UGT1A4: variants seen among roughly 807,000 people sequenced by gnomAD.
UGT1A4 encodes UDP-glucuronosyltransferase 1A4.
A neutral mutation model predicts 41.1 loss-of-function variants in UGT1A4; 32 were observed. The observed-to-expected ratio is 0.78, with a 90% confidence interval of 0.59 to 1.05. The LOEUF is 1.05. Among genes scored for constraint, UGT1A4 ranks in the 50% least tolerant of loss-of-function variants. UGT1A4 has a pLI of 0.00. For missense variants in UGT1A4, 748 were observed against 677.4 expected (o/e 1.10, Z -1.16); for synonymous variants, 283 against 265.1 (o/e 1.07, Z -0.66).
chr2:233,755,220 T>A, intron 1 of UGT1A4: 1 of 1,009,650 alleles, frequency 9.9e-7, no homozygotes, highest in South Asian at 1.3e-5. Context: ...CTTGATACCC[T>A]CGGACGAGGC....
rs555999540 is a variant in UGT1A4 at position 233,720,422 on chromosome 2, G to T, written c.867+735G>T. 1.8e-4 allele frequency among the ~76,000 whole-genome samples: 28 copies of T among 152,172 alleles called. 1 individual carries two copies. The Middle Eastern group carries it at 0.027, about 148-fold the overall frequency. On this transcript the variant is annotated intron_variant, in intron 1 of 4. Coordinates refer to ENST00000373409, the MANE Select transcript of UGT1A4 (RefSeq NM_007120.3). ...AGTGGGTGGAAGGGACTAGGGAGGA[G>T]ATAAGACCGTGAATCTATAAGCCCA...
chr2:233,734,900 C>G (rs1027588472), intron 1 of UGT1A4, among the ~76,000 whole-genome samples: 1 of 152,158 alleles, frequency 6.6e-6, no homozygotes, highest in Non-Finnish European at 1.5e-5. Flanking sequence ...GATTTCTATT[C>G]TTTTACATTT....
chr2:233,742,224 G>A (rs191023728), intron 1 of UGT1A4, among the ~76,000 whole-genome samples: 4 of 152,020 alleles, frequency 2.6e-5, no homozygotes, highest in Non-Finnish European at 5.9e-5. Flanking sequence ...AGGGCTGAGA[G>A]CCCCAAACAG....
At chr2:233,743,755 C>T in intron 1 of UGT1A4, 1 of 1,367,374 alleles carries the variant, frequency 7.3e-7, no homozygotes, top group Non-Finnish European at 9.8e-7. Context: ...CCGACAACAC[C>T]TCGTAGGCCT....
At position 233,747,671 on chromosome 2, in the gene UGT1A4, A is replaced by C. The variant is rs1693745926; in HGVS notation, c.868-19363A>C. On this transcript the variant is annotated intron_variant, in intron 1 of 4. Coordinates refer to ENST00000373409, the MANE Select transcript of UGT1A4 (RefSeq NM_007120.3). ...CCTTCGATGTGGTTTTAATAGACCCAATTTACCTCTGTGGGGCAGTGCTGG... is the reference window on the plus strand; with the variant it reads ...CCTTCGATGTGGTTTTAATAGACCCCATTTACCTCTGTGGGGCAGTGCTGG... 13 of 1,604,740 alleles carry C rather than the reference A, an allele frequency of 8.1e-6. No homozygotes were observed. In the South Asian group the frequency reaches 1.4e-4, roughly 18 times the overall value.
chr2:233,755,054 C>T (rs748506326), intron 1 of UGT1A4: 2 of 1,332,588 alleles, frequency 1.5e-6, no homozygotes, highest in Admixed American at 3.8e-5. Context: ...CGCCCTCCGC[C>T]CTCGCCTCGC....
intron 1 of UGT1A4, chr2:233,743,663 T>A (rs200311210): frequency 3.0e-5 from 41 of 1,366,854 alleles, no homozygotes; most frequent in Non-Finnish European, 3.9e-5. Context: ...CTCGAAGGGG[T>A]CCTCGAAGGG....
chr2:233,760,998 C>T (rs1369783317), intron 1 of UGT1A4: 2 of 1,614,036 alleles, frequency 1.2e-6, no homozygotes, highest in Non-Finnish European at 1.7e-6. Flanking sequence ...CCTCAGAATT[C>T]CTTCAGAGAG....
At chr2:233,767,733 C>A in intron 2 of UGT1A4, 116 bp from the exon 3 acceptor site, 1 of 1,566,288 alleles carries the variant, frequency 6.4e-7, no homozygotes, top group Non-Finnish European at 8.7e-7. Flanking sequence ...CTGATCCTCC[C>A]ACTCTGTTAA....
intron 1 of UGT1A4, among the ~76,000 whole-genome samples, chr2:233,757,104 A>T (rs1373220200): frequency 1.3e-5 from 2 of 151,154 alleles, no homozygotes; most frequent in African/African-American, 2.4e-5. Flanking sequence ...GGGAGGGGGC[A>T]AGCAGAAGGG....
intron 1 of UGT1A4, among the ~76,000 whole-genome samples, chr2:233,764,478 C>G (rs370150887): frequency 6.6e-6 from 1 of 152,082 alleles, no homozygotes; most frequent in Non-Finnish European, 1.5e-5. Context: ...TATTTAACTT[C>G]GAATGTTTAT....
At chr2:233,747,029 T>C (rs1693544106) in intron 1 of UGT1A4, among the ~76,000 whole-genome samples, 1 of 152,046 alleles carries the variant, frequency 6.6e-6, no homozygotes, top group Middle Eastern at 3.4e-3. Context: ...TTTCCCGAAG[T>C]GGGACCCATA....
chr2:233,755,241 A>T, intron 1 of UGT1A4: 1 of 865,322 alleles, frequency 1.2e-6, no homozygotes. Context: ...CTACCGGGGT[A>T]CTCCCAGCAC....
In UGT1A4 at chr2:233,744,132, C is replaced by G. The variant is rs576185082; in HGVS notation, c.868-22902C>G. The G allele has an allele frequency of 6.1e-4, 215 of 354,750 alleles. 4 individuals are homozygous for G. The highest frequency in any genetic ancestry group is 4.3e-3 in the African/African-American group (200 of 46,340). 22.0% of individuals were successfully genotyped at this position (354,750 alleles called of 1,614,324 possible). A position where few individuals can be genotyped will look rare whatever the true frequency, so the allele number is the denominator to read the frequency against. On this transcript the variant is annotated intron_variant, in intron 1 of 4. Transcript: ENST00000373409. ...CTGCTCTCTGTGAGGCTCTGTGAGGCCCTGTGATGCTCCAAGACCAGGCCC... is the reference window on the plus strand; with the variant it reads ...CTGCTCTCTGTGAGGCTCTGTGAGGGCCTGTGATGCTCCAAGACCAGGCCC...
rs2076922721 is a variant in UGT1A4, at chr2:233,721,129, T to G, written c.867+1442T>G. 2.0e-5 allele frequency among the ~76,000 whole-genome samples: 3 copies of G among 152,198 alleles called. 1 individual carries two copies. Among genetic ancestry groups the G allele is most frequent in the Admixed American group, 2.0e-4 (3 of 15,284 alleles). On this transcript the variant is annotated intron_variant, in intron 1 of 4. Transcript: ENST00000373409. ...TTATTTCTGTACTTCTTTTTATTAGTGTAGGTATTATTGCAAAGGACACTA... is the reference window on the plus strand; with the variant it reads ...TTATTTCTGTACTTCTTTTTATTAGGGTAGGTATTATTGCAAAGGACACTA...
chr2:233,761,186 T>C, intron 1 of UGT1A4: 1 of 1,614,212 alleles, frequency 6.2e-7, no homozygotes. Context: ...CATGCGTATA[T>C]TCTTTCAGAT....
intron 1 of UGT1A4, among the ~76,000 whole-genome samples, chr2:233,751,605 T>G (rs1030087764): frequency 2.0e-5 from 3 of 152,194 alleles, no homozygotes; most frequent in African/African-American, 7.2e-5. Flanking sequence ...TGGGACCTGG[T>G]GGGAGGTGAT....
intron 1 of UGT1A4, chr2:233,755,460 GCT>G (rs1695928623): frequency 3.6e-6 from 1 of 281,062 alleles, no homozygotes. Flanking sequence ...GACTGGCCCT[GCT>G]CTCTGTGAGG....
At chr2:233,767,271 T>G in intron 2 of UGT1A4, 106 bp downstream of exon 2, 1 of 1,583,574 alleles carries the variant, frequency 6.3e-7, no homozygotes, top group East Asian at 2.2e-5. Context: ...TAGATTTGGC[T>G]TTTCCCTGCC....
Sources: gnomAD v4.1 joint callset for allele counts (sites outside exome capture counted in the v4.1 genomes callset) on GRCh38, gnomAD v4.1.1 for gene constraint, MANE v1.5 for transcripts, NCBI Gene and HGNC (gene_info 2026-07-23, HGNC 2026-07-21) for gene names.